Variants in PPM1J observed in about 807,000 individuals in gnomAD.
PPM1J encodes protein phosphatase 1J.
Under a neutral mutation model 53.3 loss-of-function variants are expected in PPM1J, and 43 were observed. That is an observed-to-expected ratio of 0.81 (90% confidence interval 0.63 to 1.04). The LOEUF is 1.04. Ranked by LOEUF, PPM1J falls within the 50% of genes least tolerant of loss-of-function variation. The pLI, the probability that PPM1J is intolerant of heterozygous loss-of-function variation, is 0.00. For synonymous variants in PPM1J, 267 were observed against 286.4 expected (o/e 0.93, Z 0.68); for missense variants, 635 against 685.9 (o/e 0.93, Z 0.83).
At position 112,711,008 on chromosome 1, in the gene PPM1J, C is replaced by T. The variant is rs1170891026; in HGVS notation, c.1110G>A (p.Lys370=). 3.7e-6 allele frequency: 6 copies of T among 1,613,674 alleles called. No homozygotes were observed. The African/African-American group carries it at 6.7e-5, about 18-fold the overall frequency. Reference sequence around the variant, plus strand: ...CTCCCACCTCTACCATGGAGTTTACCTTTTTGCCCTCCCCACAGACCAGAG... The same window carrying T: ...CTCCCACCTCTACCATGGAGTTTACTTTTTTGCCCTCCCCACAGACCAGAG... ...RFPLVCGEGK[K]ARVMATIGVT... is the part of the protein sequence containing the mutation. Residue 370 remains lysine (K), a splice_region_variant and synonymous_variant, in exon 7 of 10, where the codon AAG becomes AAA. Coordinates refer to ENST00000309276, the MANE Select transcript of PPM1J (RefSeq NM_005167.7).
At position 112,715,320 on chromosome 1, in the gene PPM1J, C is replaced by A; in HGVS notation, c.-19G>T. 1 of 1,232,746 alleles carries A rather than the reference C, an allele frequency of 8.1e-7. No individual in the cohort carries two copies. Among genetic ancestry groups the A allele is most frequent in the South Asian group, 3.7e-5 (1 of 26,976 alleles). The allele number at this position is 1,232,746 out of a possible 1,614,324, so 76.4% of individuals were successfully genotyped here. A position where few individuals can be genotyped will look rare whatever the true frequency, so the allele number is the denominator to read the frequency against. On this transcript the variant is annotated 5_prime_UTR_variant, in exon 1 of 10. Coordinates refer to ENST00000309276, the MANE Select transcript of PPM1J (RefSeq NM_005167.7). The surrounding 1 kb of genome is among the most constrained non-coding windows in gnomAD (Gnocchi z 4.4). ...TTAGCATGCTGCCTCCCTGCCCCGC[C>A]CTCGGCCGCGGCCCCGCCCCCGCCC...
Position 112,711,932 on chromosome 1 carries a change from C to T in PPM1J, c.927+39G>A, listed in dbSNP as rs759204959. ...ATGGGGTGCAGGGAGGCACAAGACC[C>T]GACAAAGAATGGGGGTAGGGAATTT... On this transcript the variant is annotated intron_variant, in intron 5 of 9. Transcript: ENST00000309276. The T allele has an allele frequency of 1.2e-5, 17 of 1,466,916 alleles. No individual in the cohort carries two copies. The East Asian group carries it at 1.2e-4, about 10-fold the overall frequency. The allele number at this position is 1,466,916 out of a possible 1,614,324, so 90.9% of individuals were successfully genotyped here.
chr1:112,712,583 G>T (rs1234705350), intron 3 of PPM1J, 126 bp from the exon 4 acceptor site: 3 of 1,133,524 alleles, frequency 2.6e-6, no homozygotes, highest in African/African-American at 3.1e-5. Context: ...AGACAGGAGG[G>T]AAGACTGGGG....
intron 1 of PPM1J, 184 bp downstream of exon 1, chr1:112,714,791 GC>G (rs1675158413): frequency 3.1e-6 from 4 of 1,270,906 alleles, no homozygotes; most frequent in African/African-American, 1.5e-5. Flanking sequence ...GACACAGGCT[GC>G]CCCCCACTGG....
Position 112,711,026 on chromosome 1 carries a change from G to T in PPM1J, c.1092C>A (p.Val364=). 6.2e-7 allele frequency: 1 copy of T among 1,613,994 alleles called. No homozygotes were observed. Among genetic ancestry groups the T allele is most frequent in the South Asian group, 1.1e-5 (1 of 91,056 alleles). The change falls in exon 7 of 10, where the codon GTC becomes GTA. Residue 364 remains valine, a synonymous_variant. Transcript: ENST00000309276. ...AGTTTACCTTTTTGCCCTCCCCACA[G>T]ACCAGAGGAAACCTGAGATCCTCCA... The part of the protein sequence containing the change: ...IELEDLRFPL[V]CGEGKKARVM...
At chr1:112,714,912 G>A (rs1675160684) in intron 1 of PPM1J, 64 bp downstream of exon 1, 7 of 1,321,670 alleles carry the variant, frequency 5.3e-6, no homozygotes, top group Non-Finnish European at 5.8e-6. Flanking sequence ...TAGCGCCGGG[G>A]ATGCGGAGCT....
chr1:112,710,928 C>T, intron 7 of PPM1J, 77 bp from the exon 8 acceptor site: 1 of 1,582,248 alleles, frequency 6.3e-7, no homozygotes, highest in Non-Finnish European at 8.7e-7. Flanking sequence ...TCCACCCCTA[C>T]CCTCAGGTAG....
In PPM1J at chr1:112,712,816, G is replaced by T. The variant is rs756774643; in HGVS notation, c.657C>A (p.Cys219Ter). The change falls in exon 3 of 10, where the codon TGC becomes TGA. Residue 219 changes from cysteine to a stop codon, truncating the protein, a stop_gained. Transcript: ENST00000309276. LOFTEE classifies it high-confidence loss of function. Reference sequence around the variant, plus strand: ...GGCTCACTTCCTTCTGTGAAGACCAGCAGGACTGAGGGCCAAGCAAGTGAG... The same window carrying T: ...GGCTCACTTCCTTCTGTGAAGACCATCAGGACTGAGGGCCAAGCAAGTGAG... ...DPSHLLGPQSCWSSQKEVSHE... is the reference protein window; with the variant it reads ...DPSHLLGPQS 1.2e-6 allele frequency: 2 copies of T among 1,613,334 alleles called. No homozygotes were observed. The highest frequency in any genetic ancestry group is 3.3e-5 in the Admixed American group (2 of 60,018).
In PPM1J at chr1:112,710,305, G is replaced by A. The variant is rs114911143; in HGVS notation, c.1376C>T (p.Thr459Ile). The A allele has an allele frequency of 1.9e-6, 3 of 1,612,634 alleles. No homozygotes were observed. The highest frequency in any genetic ancestry group is 2.5e-6 in the Non-Finnish European group (3 of 1,179,610). Reference sequence around the variant, plus strand: ...CAGGACCAGAGCTTGGGCCAGAGCTGTATACCTGCCAGGAGCACACATGCA... The same window carrying A: ...CAGGACCAGAGCTTGGGCCAGAGCTATATACCTGCCAGGAGCACACATGCA... Reference protein sequence around the residue: ...AYEPNDHSRYTALAQALVLGA... With the variant: ...AYEPNDHSRYIALAQALVLGA... Residue 459 changes from threonine (T) to isoleucine (I), a missense_variant, in exon 10 of 10, where the codon ACA becomes ATA. Transcript: ENST00000309276.
intron 3 of PPM1J, 65 bp from the exon 4 acceptor site, chr1:112,712,522 C>G: frequency 7.2e-7 from 1 of 1,392,372 alleles, no homozygotes; most frequent in Admixed American, 1.9e-5. Context: ...TCACCCTCCC[C>G]CTACCCCCTC....
At chr1:112,713,389 T>C (rs1393799018) in intron 2 of PPM1J, 108 bp downstream of exon 2, 15 of 754,166 alleles carry the variant, frequency 2.0e-5, no homozygotes, top group Middle Eastern at 4.6e-4. Context: ...AGAAGGTAGA[T>C]AGCCAGTGAG....
chr1:112,711,215 G>GA, intron 6 of PPM1J, 51 bp downstream of exon 6: 1 of 1,497,040 alleles, frequency 6.7e-7, no homozygotes, highest in Non-Finnish European at 9.3e-7. Context: ...GCGGGCGAGG[G>GA]ACTGGTTGTG....
rs747421262 is a variant in PPM1J, at chr1:112,712,996, C to T, written c.477G>A (p.Gly159=). 55 of 1,610,498 alleles carry T rather than the reference C, an allele frequency of 3.4e-5. No homozygotes were observed. The change falls in exon 3 of 10, where the codon GGG becomes GGA. Residue 159 remains glycine (G), a synonymous_variant. Transcript: ENST00000309276. ...LCFYYWGLFD[G]HAGGGAAEMA... is the part of the protein sequence containing the mutation. ...TTTCAGCAGCTCCGCCCCCTGCATG[C>T]CCATCAAATAGGCCCCAGTAGTAGA...
chr1:112,714,420 C>T, intron 1 of PPM1J: 4 of 985,752 alleles, frequency 4.1e-6, no homozygotes, highest in Non-Finnish European at 4.8e-6. Context: ...CTAAATGGGA[C>T]CCTCCTCTAC....
intron 1 of PPM1J, chr1:112,713,951 G>A (rs1675133897): frequency 1.1e-6 from 1 of 887,880 alleles, no homozygotes; most frequent in Non-Finnish European, 1.5e-6. Context: ...CTAGTTGGTA[G>A]CAGAAGTTTT....
chr1:112,710,134 G>T lies in PPM1J; in HGVS notation c.*29C>A. 6.5e-7 allele frequency: 1 copy of T among 1,529,452 alleles called. No individual in the cohort carries two copies. The highest frequency in any genetic ancestry group is 8.8e-7 in the Non-Finnish European group (1 of 1,140,764). 94.7% of individuals were successfully genotyped at this position (1,529,452 alleles called of 1,614,324 possible). ...GCTGTGAGAGGAGTAAGTATGGAGA[G>T]GCTAGTGGGAGGGATGGTGTTCAGC... On this transcript the variant is annotated 3_prime_UTR_variant, in exon 10 of 10. Transcript: ENST00000309276.
chr1:112,712,381 A>G lies in PPM1J; in HGVS notation c.806T>C (p.Leu269Pro). The part of the protein sequence containing the change: ...GCCALVVIYL[L>P]GKVYVANAGD... ...TGCATTGGCCACGTACACCTTGCCT[A>G]GCAGGTAGATCACAACCAGTGCACA... Residue 269 changes from leucine to proline, a missense_variant, in exon 4 of 10, where the codon CTA becomes CCA. Transcript: ENST00000309276. 6.2e-7 allele frequency: 1 copy of G among 1,613,708 alleles called. No individual in the cohort carries two copies. Among genetic ancestry groups the G allele is most frequent in the Non-Finnish European group, 8.5e-7 (1 of 1,179,866 alleles).
At position 112,715,097 on chromosome 1, in the gene PPM1J, T is replaced by C; in HGVS notation, c.205A>G (p.Arg69Gly). The change falls in exon 1 of 10, where the codon AGA becomes GGA. Residue 69 changes from arginine to glycine, a missense_variant. Coordinates refer to ENST00000309276, the MANE Select transcript of PPM1J (RefSeq NM_005167.7). This position sits in a 1 kb window ranked among gnomAD's most constrained non-coding sequence, Gnocchi z 4.4. Reference sequence around the variant, plus strand: ...GGGCTCAGCTGCAGAAAGGTCGGTCTGGAGAAGCTCGCTCGAGCCTCAACA... The same window carrying C: ...GGGCTCAGCTGCAGAAAGGTCGGTCCGGAGAAGCTCGCTCGAGCCTCAACA... ...KAVEARASFS[R>G]PTFLQLSPGG... is the part of the protein sequence containing the mutation. 6.4e-7 allele frequency: 1 copy of C among 1,561,850 alleles called. No homozygotes were observed. The highest frequency in any genetic ancestry group is 8.6e-7 in the Non-Finnish European group (1 of 1,163,714).
At position 112,710,858 on chromosome 1, in the gene PPM1J, G is replaced by A. The variant is rs1422294604; in HGVS notation, c.1111-7C>T. Reference sequence around the variant, plus strand: ...TGGTGGCCATCACCCGAGCCTGAAAGAAATGAGGAGGGAGTGCCACTGTAG... The same window carrying A: ...TGGTGGCCATCACCCGAGCCTGAAAAAAATGAGGAGGGAGTGCCACTGTAG... On this transcript the variant is annotated splice_region_variant and splice_polypyrimidine_tract_variant and intron_variant, in intron 7 of 9. Transcript: ENST00000309276. 1.2e-6 allele frequency: 2 copies of A among 1,613,266 alleles called. No homozygotes were observed. Among genetic ancestry groups the A allele is most frequent in the Admixed American group, 1.7e-5 (1 of 60,022 alleles).
Sources: gnomAD v4.1 joint callset for allele counts on GRCh38, gnomAD v4.1.1 for gene constraint, Gnocchi (gnomAD v3.1) non-coding constraint, MANE v1.5 for transcripts, NCBI Gene and HGNC (gene_info 2026-07-23, HGNC 2026-07-21) for gene names.